SIPA1L2: variants seen among roughly 807,000 people sequenced by gnomAD.
SIPA1L2 encodes the protein signal induced proliferation associated 1 like 2, also known as signal-induced proliferation-associated 1-like protein 2.
A neutral mutation model predicts 163.9 loss-of-function variants in SIPA1L2; 56 were observed. The ratio of observed to expected loss-of-function variants is 0.34; its 90% CI spans 0.28 to 0.43. The LOEUF (loss-of-function observed/expected upper bound fraction) is 0.43. Among genes scored for constraint, SIPA1L2 ranks in the 20% least tolerant of loss-of-function variants. The pLI is 1.00. For synonymous variants in SIPA1L2, 877 were observed against 865.7 expected (o/e 1.01, Z -0.23); for missense variants, 1,974 against 2,193.5 (o/e 0.90, Z 2.00).
chr1:232,459,591 C>T (rs1664120512), intron 10 of SIPA1L2, among the ~76,000 whole-genome samples: 1 of 152,162 alleles, frequency 6.6e-6, no homozygotes, highest in Non-Finnish European at 1.5e-5. Context: ...CAGCTCAGTG[C>T]AGCCTCGACC....
intron 1 of SIPA1L2, among the ~76,000 whole-genome samples, chr1:232,591,929 G>T (rs931672653): frequency 6.6e-6 from 1 of 152,120 alleles, no homozygotes; most frequent in Non-Finnish European, 1.5e-5. Flanking sequence ...AGTTGAAATG[G>T]CAACAGCCTA....
intron 1 of SIPA1L2, among the ~76,000 whole-genome samples, chr1:232,611,777 G>C (rs1662248780): frequency 6.6e-6 from 1 of 152,148 alleles, no homozygotes; most frequent in African/African-American, 2.4e-5. Context: ...CAATGTGACA[G>C]AAAAGAAATC....
chr1:232,461,766 A>C (rs186084432), intron 9 of SIPA1L2, among the ~76,000 whole-genome samples: 114 of 152,338 alleles, frequency 7.5e-4, no homozygotes, highest in Non-Finnish European at 1.3e-3. Context: ...GCTTTAGGAA[A>C]ACTCTAAATG....
chr1:232,569,205 A>C (rs771170364), intron 2 of SIPA1L2, among the ~76,000 whole-genome samples: 1 of 152,202 alleles, frequency 6.6e-6, no homozygotes, highest in African/African-American at 2.4e-5. Context: ...CATAATCTGG[A>C]AAGTGTTTGT....
intron 6 of SIPA1L2, among the ~76,000 whole-genome samples, chr1:232,481,099 T>C (rs774975677): frequency 1.3e-5 from 2 of 152,220 alleles, no homozygotes; most frequent in Non-Finnish European, 2.9e-5. Flanking sequence ...CAAAAAGTTA[T>C]ATATAAATCA....
chr1:232,559,268 T>A (rs1658899660), intron 2 of SIPA1L2, among the ~76,000 whole-genome samples: 1 of 152,192 alleles, frequency 6.6e-6, no homozygotes, highest in African/African-American at 2.4e-5. Flanking sequence ...CAGCATCCCA[T>A]TTAATAAACT....
At chr1:232,623,985 A>T (rs1395108856) in intron 1 of SIPA1L2, among the ~76,000 whole-genome samples, 1 of 152,072 alleles carries the variant, frequency 6.6e-6, no homozygotes, top group Non-Finnish European at 1.5e-5. Context: ...AAATACTTCT[A>T]CATCTATTTA....
At chr1:232,531,020 A>G (rs886675410) in intron 2 of SIPA1L2, among the ~76,000 whole-genome samples, 1 of 152,238 alleles carries the variant, frequency 6.6e-6, no homozygotes, top group African/African-American at 2.4e-5. Flanking sequence ...TGGTAACAGT[A>G]GCCTGGGTTT....
chr1:232,530,394 G>A (rs1209492998), intron 2 of SIPA1L2, among the ~76,000 whole-genome samples: 1 of 152,110 alleles, frequency 6.6e-6, no homozygotes, highest in African/African-American at 2.4e-5. Context: ...GATTACAGGC[G>A]TGAGCCACCG....
At chr1:232,428,177 C>CT (rs1662012627) in intron 17 of SIPA1L2, among the ~76,000 whole-genome samples, 1 of 152,142 alleles carries the variant, frequency 6.6e-6, no homozygotes, top group Non-Finnish European at 1.5e-5. Flanking sequence ...GCCAGCCGGA[C>CT]TTTCAGCTCT....
intron 7 of SIPA1L2, among the ~76,000 whole-genome samples, chr1:232,473,850 A>G (rs946016448): frequency 2.6e-5 from 4 of 152,218 alleles, no homozygotes; most frequent in African/African-American, 9.6e-5. Flanking sequence ...GGAGAATATA[A>G]TAAGAAAAAT....
Position 232,404,238 on chromosome 1 carries a change from C to CG in SIPA1L2, c.4763-61dup, listed in dbSNP as rs1168808724. ...AGTATCTCTCTATACTTGAGAATCTCGGGGGCCCACAAAATGCGGCTGTGT... is the reference window on the plus strand; with the variant it reads ...AGTATCTCTCTATACTTGAGAATCTCGGGGGGCCCACAAAATGCGGCTGTGT... On this transcript the variant is annotated intron_variant, in intron 19 of 22. Transcript: ENST00000674635. 11 of 1,524,824 alleles carry CG rather than the reference C, an allele frequency of 7.2e-6. No individual in the cohort carries two copies. In the African/African-American group the frequency reaches 1.1e-4, roughly 15 times the overall value. The allele number at this position is 1,524,824 out of a possible 1,614,324, so 94.5% of individuals were successfully genotyped here.
At chr1:232,558,366 T>C (rs1330695158) in intron 2 of SIPA1L2, among the ~76,000 whole-genome samples, 3 of 152,154 alleles carry the variant, frequency 2.0e-5, no homozygotes, top group Non-Finnish European at 2.9e-5. Flanking sequence ...GCCATAATTG[T>C]TCAACTCACT....
chr1:232,470,266 C>T (rs958128399), intron 8 of SIPA1L2, among the ~76,000 whole-genome samples: 15 of 152,020 alleles, frequency 9.9e-5, no homozygotes, highest in Admixed American at 3.3e-4. Flanking sequence ...CCCAGATGTG[C>T]GTAAGAATGA....
At chr1:232,425,211 C>G (rs753929576) in intron 18 of SIPA1L2, among the ~76,000 whole-genome samples, 5 of 152,118 alleles carry the variant, frequency 3.3e-5, no homozygotes, top group Admixed American at 6.5e-5. Flanking sequence ...CCAGATGTCC[C>G]TCCTTGCTGT....
In SIPA1L2 at chr1:232,406,433, C is replaced by T. The variant is rs114267858; in HGVS notation, c.4763-2255G>A. Among the ~76,000 whole-genome samples the T allele has an allele frequency of 9.4e-3, 1,429 of 152,334 alleles. 19 individuals are homozygous for T. The highest frequency in any genetic ancestry group is 0.032 in the African/African-American group (1,318 of 41,580). On this transcript the variant is annotated intron_variant, in intron 19 of 22. Coordinates refer to ENST00000674635, the MANE Select transcript of SIPA1L2 (RefSeq NM_020808.5). ...AATAATCTTTTAAAAAACCTTATTT[C>T]AATGTCAGTTTCTTATTTTTAGTGC...
At chr1:232,463,020 G>A (rs1664320554) in intron 9 of SIPA1L2, among the ~76,000 whole-genome samples, 1 of 152,202 alleles carries the variant, frequency 6.6e-6, no homozygotes, top group Admixed American at 6.5e-5. Context: ...CTCCAAGCCA[G>A]GACTGGCTAT....
chr1:232,432,397 T>C lies in SIPA1L2; in HGVS notation c.4106A>G (p.Tyr1369Cys), dbSNP rs756573973. 3 of 1,614,232 alleles carry C rather than the reference T, an allele frequency of 1.9e-6. No individual in the cohort carries two copies. In the South Asian group the frequency reaches 3.3e-5, roughly 18 times the overall value. Residue 1369 changes from tyrosine to cysteine, a missense_variant, in exon 16 of 23, where the codon TAC becomes TGC. Coordinates refer to ENST00000674635, the MANE Select transcript of SIPA1L2 (RefSeq NM_020808.5). ...TTGTCCGCTGCTGTGAGACACGATG[T>C]AGACTTTGGATGAATCCAGAGACCC... The part of the protein sequence containing the change: ...SSGSLDSSKV[Y>C]IVSHSSGQQV...
At chr1:232,614,273 T>C (rs1040111424) in intron 1 of SIPA1L2, among the ~76,000 whole-genome samples, 1 of 152,104 alleles carries the variant, frequency 6.6e-6, no homozygotes, top group Admixed American at 6.5e-5. Flanking sequence ...TACCCATTAA[T>C]GGAAAGTCAA....
Sources: gnomAD v4.1 joint callset for allele counts (sites outside exome capture counted in the v4.1 genomes callset) on GRCh38, gnomAD v4.1.1 for gene constraint, MANE v1.5 for transcripts, NCBI Gene and HGNC (gene_info 2026-07-23, HGNC 2026-07-21) for gene names.